The following PLEKHA7 variants were observed in gnomAD, a reference collection of about 807,000 sequenced individuals.
PLEKHA7 encodes pleckstrin homology domain-containing family A member 7.
Under a neutral mutation model 170.0 loss-of-function variants are expected in PLEKHA7, and 104 were observed. The ratio of observed to expected loss-of-function variants is 0.61; its 90% CI spans 0.52 to 0.72. The LOEUF is 0.72. Ranked by LOEUF, PLEKHA7 falls within the 30% of genes least tolerant of loss-of-function variation. The pLI, the probability that PLEKHA7 is intolerant of heterozygous loss-of-function variation, is 0.00. For synonymous variants in PLEKHA7, 648 were observed against 660.8 expected (o/e 0.98, Z 0.30); for missense variants, 1,615 against 1,671.7 (o/e 0.97, Z 0.59).
chr11:16,824,023 A>G (rs433373), intron 10 of PLEKHA7, among the ~76,000 whole-genome samples: 18,351 of 152,300 alleles, frequency 0.12, 1,261 homozygotes, highest in Admixed American at 0.2. Context: ...CAAACTTTGC[A>G]TGTTCTCACT....
At chr11:17,001,326 C>T (rs1864651677) in intron 3 of PLEKHA7, among the ~76,000 whole-genome samples, 1 of 152,210 alleles carries the variant, frequency 6.6e-6, no homozygotes, top group South Asian at 2.1e-4. Context: ...AGCCAACCAG[C>T]CTCCAATTAA....
intron 8 of PLEKHA7, among the ~76,000 whole-genome samples, chr11:16,850,396 G>A (rs1565010403): frequency 6.6e-6 from 1 of 152,138 alleles, no homozygotes; most frequent in South Asian, 2.1e-4. Flanking sequence ...GTGCTCTCTA[G>A]GACTTCCACT....
intron 3 of PLEKHA7, among the ~76,000 whole-genome samples, chr11:17,000,011 T>C (rs1349263861): frequency 1.9e-4 from 29 of 152,154 alleles, no homozygotes; most frequent in Admixed American, 1.9e-3. Flanking sequence ...GGGAATCCTC[T>C]CCACTGGAGG....
At chr11:16,952,243 T>G (rs1861449400) in intron 3 of PLEKHA7, among the ~76,000 whole-genome samples, 1 of 152,122 alleles carries the variant, frequency 6.6e-6, no homozygotes, top group Non-Finnish European at 1.5e-5. Context: ...ATGCAGGACT[T>G]TGGGTATTCC....
At chr11:16,918,641 C>A (rs1858863516) in intron 3 of PLEKHA7, among the ~76,000 whole-genome samples, 1 of 152,164 alleles carries the variant, frequency 6.6e-6, no homozygotes, top group South Asian at 2.1e-4. Flanking sequence ...ATAAAGCTGG[C>A]CAGGCAGGTG....
intron 3 of PLEKHA7, among the ~76,000 whole-genome samples, chr11:16,927,093 G>C (rs929460284): frequency 6.6e-6 from 1 of 152,110 alleles, no homozygotes; most frequent in African/African-American, 2.4e-5. Flanking sequence ...GTGGGGGCAG[G>C]GAGGGAATGG....
At chr11:16,826,022 T>C (rs998068195) in intron 10 of PLEKHA7, 98 bp downstream of exon 10, 2 of 1,250,094 alleles carry the variant, frequency 1.6e-6, no homozygotes, top group Non-Finnish European at 2.3e-6. Flanking sequence ...GTAAAGAGTT[T>C]AAGGCTGCCC....
At position 17,014,398 on chromosome 11, in the gene PLEKHA7, C is replaced by T; in HGVS notation, c.4G>A (p.Ala2Thr). The change falls in exon 1 of 27, where the codon GCG becomes ACG. Residue 2 changes from alanine to threonine, a missense_variant. Coordinates refer to ENST00000531066, the MANE Select transcript of PLEKHA7 (RefSeq NM_001329630.2). M[A>T]AATVGRDTLP... Reference sequence around the variant, plus strand: ...GTGTCCCGCCCGACCGTCGCCGCCGCCATGTTCGCCGAGCGCGGAGCCGCC... The same window carrying T: ...GTGTCCCGCCCGACCGTCGCCGCCGTCATGTTCGCCGAGCGCGGAGCCGCC... The T allele has an allele frequency of 7.4e-7, 1 of 1,355,846 alleles. No homozygotes were observed. Among genetic ancestry groups the T allele is most frequent in the Non-Finnish European group, 9.6e-7 (1 of 1,044,512 alleles). The allele number at this position is 1,355,846 out of a possible 1,614,324, so 84.0% of individuals were successfully genotyped here.
chr11:16,816,809 G>A lies in PLEKHA7; in HGVS notation c.1857C>T (p.His619=), dbSNP rs757826459. Reference sequence around the variant, plus strand: ...GCTTCCCGAGCCTCACCTTGACAGCGTGGCCCCGTGCCCTCCTTGGAGAAT... The same window carrying A: ...GCTTCCCGAGCCTCACCTTGACAGCATGGCCCCGTGCCCTCCTTGGAGAAT... ...LGDSPRRARG[H]AVKNSSHVDR... The change falls in exon 11 of 27, where the codon CAC becomes CAT. Residue 619 remains histidine (H), a synonymous_variant. Coordinates refer to ENST00000531066, the MANE Select transcript of PLEKHA7 (RefSeq NM_001329630.2). 17 of 1,613,756 alleles carry A rather than the reference G, an allele frequency of 1.1e-5. No homozygotes were observed. Among genetic ancestry groups the A allele is most frequent in the South Asian group, 4.4e-5 (4 of 91,052 alleles).
chr11:16,932,495 G>A (rs1860014080), intron 3 of PLEKHA7, among the ~76,000 whole-genome samples: 1 of 152,044 alleles, frequency 6.6e-6, no homozygotes, highest in African/African-American at 2.4e-5. Context: ...ATGTTGCCCA[G>A]GCTGGTCTTG....
intron 9 of PLEKHA7, among the ~76,000 whole-genome samples, chr11:16,832,344 G>A (rs1253217491): frequency 6.6e-6 from 1 of 152,114 alleles, no homozygotes; most frequent in Admixed American, 6.5e-5. Flanking sequence ...ATTGACTGGG[G>A]TTGGGCCCCA....
At chr11:16,956,100 G>C (rs1389018177) in intron 3 of PLEKHA7, among the ~76,000 whole-genome samples, 1 of 152,196 alleles carries the variant, frequency 6.6e-6, no homozygotes, top group Non-Finnish European at 1.5e-5. Context: ...TTTCCACAGG[G>C]ACCAGGCAAA....
At chr11:16,850,675 G>C (rs1259492851) in intron 8 of PLEKHA7, among the ~76,000 whole-genome samples, 1 of 152,212 alleles carries the variant, frequency 6.6e-6, no homozygotes, top group Non-Finnish European at 1.5e-5. Flanking sequence ...GGTTTTACTG[G>C]TAAAGGGATC....
intron 3 of PLEKHA7, among the ~76,000 whole-genome samples, chr11:16,885,680 T>C (rs1337103981): frequency 6.6e-6 from 1 of 151,114 alleles, no homozygotes; most frequent in Non-Finnish European, 1.5e-5. Flanking sequence ...ACTCTTAACC[T>C]TCTCTAACTG....
At position 16,789,676 on chromosome 11, in the gene PLEKHA7, C is replaced by A. The variant is rs750670185; in HGVS notation, c.3156+99G>T. The A allele has an allele frequency of 2.2e-5, 24 of 1,111,900 alleles. No individual in the cohort carries two copies. The highest frequency in any genetic ancestry group is 3.1e-5 in the Non-Finnish European group (24 of 764,216). 68.9% of individuals were successfully genotyped at this position (1,111,900 alleles called of 1,614,324 possible). ...GGGCTGAGGCCACCCCAGAGGCCAT[C>A]CCCAGGGCTGAAGGGATGGCCAGTT... is the stretch of plus-strand genomic sequence containing the variant. On this transcript the variant is annotated intron_variant, in intron 22 of 26. Transcript: ENST00000531066. The surrounding 1 kb of genome is among the most constrained non-coding windows in gnomAD (Gnocchi z 4.6).
intron 3 of PLEKHA7, among the ~76,000 whole-genome samples, chr11:16,889,957 A>G (rs1337679338): frequency 6.6e-6 from 1 of 152,248 alleles, no homozygotes; most frequent in African/African-American, 2.4e-5. Flanking sequence ...ATGACTTCTC[A>G]GCAGAAACCT....
chr11:16,835,044 T>C (rs1459888129), intron 9 of PLEKHA7, among the ~76,000 whole-genome samples: 2 of 152,010 alleles, frequency 1.3e-5, no homozygotes, highest in Admixed American at 1.3e-4. Flanking sequence ...CTGAGGTAGG[T>C]GGATCACTTG....
chr11:16,887,457 T>C (rs896790997), intron 3 of PLEKHA7, among the ~76,000 whole-genome samples: 2 of 152,098 alleles, frequency 1.3e-5, no homozygotes, highest in Non-Finnish European at 2.9e-5. Context: ...GAAGCTGGAC[T>C]GTACTGCCGC....
chr11:16,960,536 A>T (rs1361302000), intron 3 of PLEKHA7, among the ~76,000 whole-genome samples: 1 of 152,042 alleles, frequency 6.6e-6, no homozygotes, highest in Non-Finnish European at 1.5e-5. Flanking sequence ...GCGTCGCCCT[A>T]GGGGTTCTAG....
Sources: gnomAD v4.1 joint callset for allele counts (sites outside exome capture counted in the v4.1 genomes callset) on GRCh38, gnomAD v4.1.1 for gene constraint, Gnocchi (gnomAD v3.1) non-coding constraint, MANE v1.5 for transcripts, NCBI Gene and HGNC (gene_info 2026-07-23, HGNC 2026-07-21) for gene names.